The following WDR86 variants were observed in gnomAD, a reference collection of about 807,000 sequenced individuals.
The protein encoded by WDR86 is WD repeat-containing protein 86.
A neutral mutation model predicts 36.5 loss-of-function variants in WDR86; 30 were observed. The observed-to-expected ratio is 0.82, with a 90% CI of 0.61 to 1.11. The LOEUF (loss-of-function observed/expected upper bound fraction) is 1.11, where lower values mean the gene tolerates loss of function less well. WDR86 is among the 50% of genes most tolerant of loss of function. The probability of loss-of-function intolerance (pLI) is 0.00; values close to 1 mark genes in which losing one functional copy is unlikely to be tolerated. For missense variants in WDR86, 545 were observed against 561.2 expected (o/e 0.97, Z 0.29); for synonymous variants, 255 against 252.9 (o/e 1.01, Z -0.08).
At chr7:151,371,939 T>G (rs567373393), downstream of WDR86, among the ~76,000 whole-genome samples, 1 of 152,230 alleles carries the variant, frequency 6.6e-6, no homozygotes, top group South Asian at 2.1e-4. Context: ...AACTCCTGGG[T>G]TCAAGCAGTC....
downstream of WDR86, among the ~76,000 whole-genome samples, chr7:151,373,122 G>A (rs939772464): frequency 6.6e-6 from 1 of 152,162 alleles, no homozygotes; most frequent in Non-Finnish European, 1.5e-5. Context: ...CCTGGGCTGG[G>A]CAGGAGGCAG....
chr7:151,385,818 G>A (rs1373406199), intron 3 of WDR86, among the ~76,000 whole-genome samples: 1 of 152,170 alleles, frequency 6.6e-6, no homozygotes, highest in Non-Finnish European at 1.5e-5. Flanking sequence ...GTACGGAGAG[G>A]GCCCAGGAGA....
At chr7:151,408,760 A>C in intron 1 of WDR86, 1 of 397,874 alleles carries the variant, frequency 2.5e-6, no homozygotes, top group Non-Finnish European at 5.3e-6. Flanking sequence ...CACCCGAGGC[A>C]CACTGACCTC....
chr7:151,395,987 T>A lies in WDR86; in HGVS notation c.515A>T (p.Asp172Val). Residue 172 changes from aspartate (D) to valine (V), a missense_variant, in exon 3 of 6, where the codon GAT becomes GTT. Coordinates refer to ENST00000334493, the MANE Select transcript of WDR86 (RefSeq NM_198285.3). ...CACCTGCCACACCTTGGCTGTGCCA[T>A]CTGTGCTGCCGGTCACCAGAAGCCC... ...AGGLLVTGST[D>V]GTAKVWQVAS... 6.3e-7 allele frequency: 1 copy of A among 1,598,954 alleles called. No individual in the cohort carries two copies. The highest frequency in any genetic ancestry group is 8.5e-7 in the Non-Finnish European group (1 of 1,174,392).
intron 3 of WDR86, among the ~76,000 whole-genome samples, chr7:151,392,995 C>T (rs1799545142): frequency 6.6e-6 from 1 of 152,216 alleles, no homozygotes. Context: ...TGGCTGTTCC[C>T]ATGGGCACCT....
At chr7:151,407,032 A>T (rs1800755706) in intron 1 of WDR86, among the ~76,000 whole-genome samples, 1 of 152,216 alleles carries the variant, frequency 6.6e-6, no homozygotes, top group Admixed American at 6.5e-5. Flanking sequence ...ACTCTTTTGC[A>T]AGTTGAGCGT....
At chr7:151,397,631 CGGG>C (rs1799921579) in intron 2 of WDR86, among the ~76,000 whole-genome samples, 1 of 140,648 alleles carries the variant, frequency 7.1e-6, no homozygotes, top group African/African-American at 2.8e-5. Flanking sequence ...GAGGGTGTAG[CGGG>C]AGGAAGGGCA....
intron 3 of WDR86, among the ~76,000 whole-genome samples, chr7:151,393,794 T>C (rs1799612206): frequency 6.6e-6 from 1 of 152,030 alleles, no homozygotes; most frequent in Non-Finnish European, 1.5e-5. Flanking sequence ...GGGCCACTAG[T>C]GCTGACTCTC....
exon 2 of WDR86, chr7:151,375,968 CAGCTTGG>C (rs746673936): frequency 1.1e-5 from 16 of 1,471,144 alleles, no homozygotes; most frequent in Non-Finnish European, 1.4e-5. Context: ...TTTGTGCCCT[CAGCTTGG>C]ACAGCCTCGG....
Position 151,409,949 on chromosome 7 carries a change from C to T in WDR86, c.-360G>A, listed in dbSNP as rs551108343. The T allele has an allele frequency of 1.1e-4, 111 of 1,038,732 alleles. No homozygotes were observed. In the African/African-American group the frequency reaches 1.7e-3, roughly 15 times the overall value. 64.3% of individuals were successfully genotyped at this position (1,038,732 alleles called of 1,614,324 possible). A position where few individuals can be genotyped will look rare whatever the true frequency, so the allele number is the denominator to read the frequency against. On this transcript the variant is annotated 5_prime_UTR_variant, in exon 1 of 6. Coordinates refer to ENST00000334493, the MANE Select transcript of WDR86 (RefSeq NM_198285.3). This position sits in a 1 kb window ranked among gnomAD's most constrained non-coding sequence, Gnocchi z 5.2. ...CTGGTGCACAAGGAGCCCCCCGCCT[C>T]CTCTCGCGCCCACGGGGCTGGGGCG...
chr7:151,371,757 TG>T (rs1797968293), downstream of WDR86, among the ~76,000 whole-genome samples: 1 of 152,272 alleles, frequency 6.6e-6, no homozygotes, highest in African/African-American at 2.4e-5. Context: ...TTCATGTTTT[TG>T]TTTGAGACAG....
chr7:151,383,928 G>C (rs1370806149), intron 4 of WDR86, among the ~76,000 whole-genome samples: 3 of 152,240 alleles, frequency 2.0e-5, no homozygotes, highest in Admixed American at 2.0e-4. Flanking sequence ...CCGCCGGCCA[G>C]AGCCTTTGAG....
At chr7:151,376,633 G>C, downstream of WDR86, 1 of 1,608,518 alleles carries the variant, frequency 6.2e-7, no homozygotes, top group Non-Finnish European at 8.5e-7. Flanking sequence ...CTCTCCCCTA[G>C]TTGGTGTACA....
Position 151,396,142 on chromosome 7 carries a change from C to T in WDR86, c.360G>A (p.Arg120=). Residue 120 remains arginine (R), a synonymous_variant, in exon 3 of 6, where the codon CGG becomes CGA. Transcript: ENST00000334493. ...TCTGCCCCTTGTCCACACTCCAGAC[C>T]CGAGCTGTCCGGTCATAGGAGCTGC... ...LFSSSYDRTA[R]VWSVDKGQMS... The T allele has an allele frequency of 6.2e-7, 1 of 1,612,964 alleles. No individual in the cohort carries two copies. Among genetic ancestry groups the T allele is most frequent in the Non-Finnish European group, 8.5e-7 (1 of 1,179,892 alleles).
At position 151,409,778 on chromosome 7, in the gene WDR86, G is replaced by T; in HGVS notation, c.-189C>A. The stretch of plus-strand genomic sequence containing the variant: ...GCTCCCCGCTGCCTCCAGCCTCTGG[G>T]CCCGCGAACCCAGGGCGCTGCGGGG... On this transcript the variant is annotated 5_prime_UTR_variant, in exon 1 of 6. Coordinates refer to ENST00000334493, the MANE Select transcript of WDR86 (RefSeq NM_198285.3). This position sits in a 1 kb window ranked among gnomAD's most constrained non-coding sequence, Gnocchi z 5.2. 3.1e-6 allele frequency: 4 copies of T among 1,272,204 alleles called. No homozygotes were observed. Among genetic ancestry groups the T allele is most frequent in the Non-Finnish European group, 3.0e-6 (3 of 1,013,136 alleles). The allele number at this position is 1,272,204 out of a possible 1,614,324, so 78.8% of individuals were successfully genotyped here.
chr7:151,392,729 G>A (rs774327955), intron 3 of WDR86, among the ~76,000 whole-genome samples: 11 of 152,326 alleles, frequency 7.2e-5, no homozygotes, highest in East Asian at 1.9e-4. Context: ...TGCACACTGC[G>A]GGGCCACTAC....
At chr7:151,392,332 C>T (rs940644338) in intron 3 of WDR86, among the ~76,000 whole-genome samples, 2 of 152,014 alleles carry the variant, frequency 1.3e-5, no homozygotes, top group African/African-American at 4.8e-5. Flanking sequence ...GACACTTGGA[C>T]CCCCATCCAC....
At position 151,405,867 on chromosome 7, in the gene WDR86, A is replaced by AGAC; in HGVS notation, c.163+3557_163+3559dup. ...ACAATCCCCGCCCCCTCATGTTAGAAGACGAGGAAGCGTGTGGGACAGCCA... is the reference window on the plus strand; with the variant it reads ...ACAATCCCCGCCCCCTCATGTTAGAAGACGACGAGGAAGCGTGTGGGACAGCCA... On this transcript the variant is annotated intron_variant, in intron 1 of 5. Coordinates refer to ENST00000334493, the MANE Select transcript of WDR86 (RefSeq NM_198285.3). The surrounding 1 kb of genome is among the most constrained non-coding windows in gnomAD (Gnocchi z 4.7). 6.6e-6 allele frequency among the ~76,000 whole-genome samples: 1 copy of AGAC among 152,274 alleles called. No individual in the cohort carries two copies. The highest frequency in any genetic ancestry group is 3.4e-3 in the Middle Eastern group (1 of 294).
downstream of WDR86, chr7:151,374,373 C>A: frequency 8.3e-7 from 1 of 1,212,066 alleles, no homozygotes; most frequent in Non-Finnish European, 1.2e-6. Flanking sequence ...ATCTGAAGGG[C>A]AGGTTTCTCC....
Sources: gnomAD v4.1 joint callset for allele counts (sites outside exome capture counted in the v4.1 genomes callset) on GRCh38, gnomAD v4.1.1 for gene constraint, Gnocchi (gnomAD v3.1) non-coding constraint, MANE v1.5 for transcripts, NCBI Gene and HGNC (gene_info 2026-07-23, HGNC 2026-07-21) for gene names.